NKAIN3: variants seen among roughly 807,000 people sequenced by gnomAD.
NKAIN3 encodes the protein sodium/potassium transporting ATPase interacting 3.
NKAIN3 carries 25 observed loss-of-function variants against 30.2 expected under a neutral mutation model. The ratio of observed to expected loss-of-function variants is 0.83; its 90% CI spans 0.60 to 1.16. The LOEUF is 1.16. NKAIN3 is among the 50% of genes most tolerant of loss of function. NKAIN3 has a pLI of 0.00. For missense variants in NKAIN3, 225 were observed against 254.1 expected (o/e 0.89, Z 0.78); for synonymous variants, 91 against 89.6 (o/e 1.02, Z -0.09).
rs562838446 is a variant in NKAIN3 at position 62,858,590 on chromosome 8, G to T, written c.472-59863G>T. On this transcript the variant is annotated intron_variant, in intron 4 of 6. Coordinates refer to ENST00000623646, the MANE Select transcript of NKAIN3 (RefSeq NM_001304533.3). ...CCAGCTGGGAGGTCTCACCCAATGA[G>T]GGGGAATGGTTTGAGGTCCAGCTTA... is the stretch of plus-strand genomic sequence containing the variant. Among the ~76,000 whole-genome samples, 7 of 152,320 alleles carry T rather than the reference G, an allele frequency of 4.6e-5. No individual in the cohort carries two copies. In the South Asian group the frequency reaches 1.2e-3, roughly 27 times the overall value.
intron 1 of NKAIN3, among the ~76,000 whole-genome samples, chr8:62,394,921 G>C (rs76380040): frequency 2.0e-5 from 3 of 147,636 alleles, no homozygotes; most frequent in Admixed American, 1.3e-4. Context: ...GGACAGAGGC[G>C]CTCATCACTT....
intron 1 of NKAIN3, among the ~76,000 whole-genome samples, chr8:62,372,429 T>G (rs547816278): frequency 2.6e-4 from 40 of 152,076 alleles, no homozygotes; most frequent in Non-Finnish European, 4.3e-4. Context: ...TATTTCCTTT[T>G]CATGTTTCTG....
intron 1 of NKAIN3, among the ~76,000 whole-genome samples, chr8:62,508,877 A>G (rs1807727476): frequency 7.5e-6 from 1 of 132,978 alleles, no homozygotes; most frequent in Non-Finnish European, 1.6e-5. Context: ...CAGGGTACCC[A>G]TATAACAAAC....
At chr8:62,378,041 G>A (rs1334491037) in intron 1 of NKAIN3, among the ~76,000 whole-genome samples, 2 of 152,104 alleles carry the variant, frequency 1.3e-5, no homozygotes, top group Non-Finnish European at 1.5e-5. Flanking sequence ...TAGAAAAGTT[G>A]GGAACATTTT....
At chr8:62,601,723 A>G (rs1261445213) in intron 3 of NKAIN3, among the ~76,000 whole-genome samples, 2 of 152,094 alleles carry the variant, frequency 1.3e-5, no homozygotes, top group Non-Finnish European at 2.9e-5. Flanking sequence ...AAATGAGAAC[A>G]AAAGCCTGAA....
chr8:62,695,545 A>C (rs1339436806), intron 3 of NKAIN3, among the ~76,000 whole-genome samples: 1 of 152,226 alleles, frequency 6.6e-6, no homozygotes, highest in South Asian at 2.1e-4. Context: ...AATACGCAGC[A>C]AGAGTTTGAA....
intron 1 of NKAIN3, among the ~76,000 whole-genome samples, chr8:62,446,649 A>G (rs1248404474): frequency 6.6e-6 from 1 of 152,094 alleles, no homozygotes; most frequent in Non-Finnish European, 1.5e-5. Context: ...ACCTTGGTAA[A>G]CATCATTCTA....
chr8:62,251,874 T>C (rs886807692), intron 1 of NKAIN3, among the ~76,000 whole-genome samples: 4 of 152,172 alleles, frequency 2.6e-5, no homozygotes, highest in African/African-American at 7.2e-5. Context: ...CTCAAAAGCA[T>C]TGGTAAAGTA....
chr8:62,588,298 C>T (rs1172501398), intron 2 of NKAIN3, among the ~76,000 whole-genome samples: 4 of 151,772 alleles, frequency 2.6e-5, no homozygotes, highest in South Asian at 4.1e-4. Context: ...ATCAGCAATA[C>T]CTGCATATAC....
intron 1 of NKAIN3, among the ~76,000 whole-genome samples, chr8:62,562,352 C>T (rs765712331): frequency 1.3e-4 from 20 of 152,084 alleles, no homozygotes; most frequent in Non-Finnish European, 2.2e-4. Flanking sequence ...ATAAAGTTGA[C>T]GAAGACCGTT....
chr8:62,817,099 G>T (rs956700698), intron 4 of NKAIN3, among the ~76,000 whole-genome samples: 5 of 152,110 alleles, frequency 3.3e-5, no homozygotes, highest in Admixed American at 3.3e-4. Context: ...GCCTCAGAGG[G>T]TCTTTGTCAC....
chr8:62,292,171 T>G (rs1484242579), intron 1 of NKAIN3, among the ~76,000 whole-genome samples: 3 of 149,880 alleles, frequency 2.0e-5, no homozygotes. Context: ...AGCACACTGA[T>G]GGGTCTTGAC....
At chr8:62,850,887 C>T (rs62510775) in intron 4 of NKAIN3, among the ~76,000 whole-genome samples, 13,939 of 151,936 alleles carry the variant, frequency 0.092, 684 homozygotes, top group South Asian at 0.14. Context: ...AGTCAGGTAG[C>T]GTGATGCCTC....
chr8:62,780,917 A>T (rs1449651394), intron 4 of NKAIN3, among the ~76,000 whole-genome samples: 1 of 152,128 alleles, frequency 6.6e-6, no homozygotes, highest in Non-Finnish European at 1.5e-5. Context: ...TATTCAACAT[A>T]GTATAGAACC....
intron 1 of NKAIN3, among the ~76,000 whole-genome samples, chr8:62,336,780 T>C (rs1815565978): frequency 6.6e-6 from 1 of 152,006 alleles, no homozygotes; most frequent in African/African-American, 2.4e-5. Flanking sequence ...CTGCTCCATG[T>C]GATGCCACTT....
chr8:62,283,943 C>T (rs1028499644), intron 1 of NKAIN3, among the ~76,000 whole-genome samples: 5 of 152,094 alleles, frequency 3.3e-5, no homozygotes, highest in African/African-American at 1.2e-4. Flanking sequence ...AATCATACAA[C>T]AGGCATCACA....
At chr8:62,579,467 C>A in intron 1 of NKAIN3, 72 bp from the exon 2 acceptor site, 2 of 1,206,360 alleles carry the variant, frequency 1.7e-6, no homozygotes, top group Non-Finnish European at 2.3e-6. Flanking sequence ...CTCCTCCAGC[C>A]ATGAGATAAA....
chr8:62,961,522 T>C (rs1327528688), intron 6 of NKAIN3, among the ~76,000 whole-genome samples: 1 of 152,180 alleles, frequency 6.6e-6, no homozygotes, highest in Non-Finnish European at 1.5e-5. Flanking sequence ...AGGGAAACTG[T>C]TATTGATTTA....
chr8:62,840,159 A>T (rs570230234), intron 4 of NKAIN3, among the ~76,000 whole-genome samples: 1 of 152,198 alleles, frequency 6.6e-6, no homozygotes, highest in Non-Finnish European at 1.5e-5. Flanking sequence ...AGGAGAAACA[A>T]ATATATTTCT....
Sources: allele counts gnomAD v4.1 joint callset (sites outside exome capture counted in the v4.1 genomes callset), GRCh38; gene constraint gnomAD v4.1.1; transcripts MANE v1.5; gene names NCBI Gene and HGNC (gene_info 2026-07-23, HGNC 2026-07-21).